Variants in PRPF39 observed in about 807,000 individuals in gnomAD.
PRPF39 encodes pre-mRNA processing factor 39, also known as pre-mRNA-processing factor 39.
In PRPF39, 27 loss-of-function variants were observed where a neutral mutation model predicts 82.1. The observed-to-expected ratio is 0.33, with a 90% CI of 0.24 to 0.45. PRPF39 has a LOEUF of 0.45. Ranked by LOEUF, PRPF39 falls within the 20% of genes least tolerant of loss-of-function variation. The pLI is 1.00. For missense variants in PRPF39, 581 were observed against 796.9 expected, an observed-to-expected ratio of 0.73 and a Z score of 3.26; for synonymous variants, 261 against 256.4, an observed-to-expected ratio of 1.02 and a Z score of -0.17.
At chr14:45,107,417 T>A in intron 5 of PRPF39, 34 bp from the exon 6 acceptor site, 1 of 1,426,862 alleles carries the variant, frequency 7.0e-7, no homozygotes, top group Middle Eastern at 1.8e-4. Context: ...AAAATTATGA[T>A]TCAAATACAT....
rs1884592103 is a variant in PRPF39 at position 45,108,038 on chromosome 14, A to G, written c.904-377A>G. On this transcript the variant is annotated intron_variant, in intron 6 of 13. Transcript: ENST00000355765. ...ACTGGCCATTTACCCAGTGACTTGT[A>G]GCTTGTTTGAAGTTAATTTCTGATT... 2.0e-5 allele frequency among the ~76,000 whole-genome samples: 3 copies of G among 152,158 alleles called. No individual in the cohort carries two copies. The South Asian group carries it at 6.2e-4, about 32-fold the overall frequency.
intron 5 of PRPF39, among the ~76,000 whole-genome samples, chr14:45,106,756 A>G (rs1438579243): frequency 2.0e-5 from 3 of 152,156 alleles, no homozygotes; most frequent in Non-Finnish European, 2.9e-5. Flanking sequence ...AATAGATGAG[A>G]ACCAAATGGA....
chr14:45,115,189 C>A lies in PRPF39; in HGVS notation c.*276C>A. ...GAATTCTTTTGCAATGCATTTGCAA[C>A]AGAATTTTGTAGCCTTAAGGGGTAG... On this transcript the variant is annotated 3_prime_UTR_variant, in exon 14 of 14. Coordinates refer to ENST00000355765, the MANE Select transcript of PRPF39 (RefSeq NM_017922.4). 2 of 217,916 alleles carry A rather than the reference C, an allele frequency of 9.2e-6. No homozygotes were observed. Among genetic ancestry groups the A allele is most frequent in the Non-Finnish European group, 9.1e-6 (1 of 109,632 alleles). The allele number at this position is 217,916 out of a possible 1,614,324, so 13.5% of individuals were successfully genotyped here. A position where few individuals can be genotyped will look rare whatever the true frequency, so the allele number is the denominator to read the frequency against.
chr14:45,115,651 G>A lies in PRPF39; in HGVS notation c.*738G>A, dbSNP rs1482441601. 6.6e-6 allele frequency: 1 copy of A among 152,476 alleles called. No homozygotes were observed. The highest frequency in any genetic ancestry group is 6.5e-5 in the Admixed American group (1 of 15,272). The allele number at this position is 152,476 out of a possible 1,614,324, so 9.4% of individuals were successfully genotyped here. A position where few individuals can be genotyped will look rare whatever the true frequency, so the allele number is the denominator to read the frequency against. ...GATCAATTAGTAATATTAACCTTAT[G>A]TTCACCTTTATTAGTGGCTCATTGG... On this transcript the variant is annotated 3_prime_UTR_variant, in exon 14 of 14. Transcript: ENST00000355765.
At chr14:45,099,161 T>A (rs1268569086) in intron 4 of PRPF39, among the ~76,000 whole-genome samples, 1 of 152,302 alleles carries the variant, frequency 6.6e-6, no homozygotes, top group East Asian at 1.9e-4. Context: ...GATGTGGATT[T>A]TCTTTTTCTT....
At position 45,110,956 on chromosome 14, in the gene PRPF39, A is replaced by T; in HGVS notation, c.1572+139A>T. 1 of 852,916 alleles carries T rather than the reference A, an allele frequency of 1.2e-6. No individual in the cohort carries two copies. The highest frequency in any genetic ancestry group is 1.7e-6 in the Non-Finnish European group (1 of 574,456). The allele number at this position is 852,916 out of a possible 1,614,324, so 52.8% of individuals were successfully genotyped here. On this transcript the variant is annotated intron_variant, in intron 10 of 13. Transcript: ENST00000355765. The surrounding 1 kb of genome is among the most constrained non-coding windows in gnomAD (Gnocchi z 4.0). The stretch of plus-strand genomic sequence containing the variant: ...TAAATGAGGACAACAGTCCCTCTAA[A>T]CTGATGTTGCCATTTAAAAATTTTT...
intron 5 of PRPF39, among the ~76,000 whole-genome samples, chr14:45,105,725 C>T (rs1378254705): frequency 2.6e-5 from 4 of 151,708 alleles, no homozygotes; most frequent in African/African-American, 9.7e-5. Flanking sequence ...TGGGTTTCAG[C>T]GTGTTTGCCA....
At chr14:45,113,290 T>C (rs1884746510) in intron 11 of PRPF39, among the ~76,000 whole-genome samples, 2 of 152,274 alleles carry the variant, frequency 1.3e-5, no homozygotes, top group Non-Finnish European at 1.5e-5. Context: ...TATTTTAATG[T>C]ATTAATGTAT....
intron 1 of PRPF39, among the ~76,000 whole-genome samples, chr14:45,092,119 G>A (rs1884048006): frequency 6.6e-6 from 1 of 152,202 alleles, no homozygotes; most frequent in Admixed American, 6.5e-5. Flanking sequence ...CAAAAAAGCA[G>A]AAGCTTTCTC....
At chr14:45,109,877 T>C (rs888131265) in intron 8 of PRPF39, 97 bp downstream of exon 8, 6 of 1,516,630 alleles carry the variant, frequency 4.0e-6, no homozygotes, top group South Asian at 1.3e-5. Flanking sequence ...TTCATATAAC[T>C]ATATCTGTTG....
chr14:45,096,193 G>T lies in PRPF39; in HGVS notation c.415G>T (p.Glu139Ter). The change falls in exon 3 of 14, where the codon GAA becomes TAA. Residue 139 changes from glutamate to a stop codon, truncating the protein, a stop_gained. Coordinates refer to ENST00000355765, the MANE Select transcript of PRPF39 (RefSeq NM_017922.4). LOFTEE classifies it high-confidence loss of function. ...YGYWKKYADL[E>*]KRHDNIKPSD... The stretch of plus-strand genomic sequence containing the variant: ...TTACTGGAAAAAGTATGCAGACCTT[G>T]AAAAGCGGCACGACAACATTAAACC... 6.3e-7 allele frequency: 1 copy of T among 1,590,912 alleles called. No homozygotes were observed. The highest frequency in any genetic ancestry group is 8.6e-7 in the Non-Finnish European group (1 of 1,167,950).
chr14:45,105,814 G>A, intron 5 of PRPF39, among the ~76,000 whole-genome samples: 1 of 151,868 alleles, frequency 6.6e-6, no homozygotes, highest in East Asian at 1.9e-4. Flanking sequence ...GCGTCAGCAG[G>A]CGCCTGACCT....
intron 4 of PRPF39, among the ~76,000 whole-genome samples, chr14:45,099,724 G>A (rs1884315382): frequency 6.6e-6 from 1 of 152,144 alleles, no homozygotes; most frequent in African/African-American, 2.4e-5. Flanking sequence ...GATTACAGGC[G>A]TGAGCCACCA....
intron 7 of PRPF39, among the ~76,000 whole-genome samples, 200 bp downstream of exon 7, chr14:45,108,722 A>T (rs1884613699): frequency 6.6e-6 from 1 of 152,156 alleles, no homozygotes; most frequent in East Asian, 1.9e-4. Context: ...TTGAATCCAG[A>T]TTTACTTGAA....
At chr14:45,112,528 TTGAA>T (rs770301523) in intron 11 of PRPF39, 26 bp downstream of exon 11, 5 of 1,434,448 alleles carry the variant, frequency 3.5e-6, no homozygotes, top group South Asian at 1.6e-5. Context: ...TATTACCTAT[TTGAA>T]TGATAAATGA....
At chr14:45,108,868 C>T (rs1884618198) in intron 7 of PRPF39, among the ~76,000 whole-genome samples, 1 of 152,120 alleles carries the variant, frequency 6.6e-6, no homozygotes. Context: ...TAATTTCCCA[C>T]AGTTTTAATT....
intron 3 of PRPF39, 45 bp downstream of exon 3, chr14:45,096,273 G>A (rs1243490036): frequency 2.1e-6 from 3 of 1,453,036 alleles, no homozygotes; most frequent in Admixed American, 2.3e-5. Flanking sequence ...GGTACTGTAA[G>A]CCAATTAATA....
intron 1 of PRPF39, among the ~76,000 whole-genome samples, chr14:45,093,020 ACATCTCTC>A (rs1402670529): frequency 6.6e-6 from 1 of 152,300 alleles, no homozygotes; most frequent in East Asian, 1.9e-4. Context: ...AATAAAGCAC[ACATCTCTC>A]TTTTGTATGG....
intron 6 of PRPF39, among the ~76,000 whole-genome samples, chr14:45,107,853 T>C (rs1884582856): frequency 6.6e-6 from 1 of 151,750 alleles, no homozygotes; most frequent in Non-Finnish European, 1.5e-5. Context: ...TGCTTGAACC[T>C]GGAAGGCGGA....
Sources: gnomAD v4.1 joint callset for allele counts (sites outside exome capture counted in the v4.1 genomes callset) on GRCh38, gnomAD v4.1.1 for gene constraint, Gnocchi (gnomAD v3.1) non-coding constraint, MANE v1.5 for transcripts, NCBI Gene and HGNC (gene_info 2026-07-23, HGNC 2026-07-21) for gene names.